Variants in PCSK2 observed in about 807,000 individuals in gnomAD.
PCSK2 encodes the protein proprotein convertase subtilisin/kexin type 2, also known as neuroendocrine convertase 2.
A neutral mutation model predicts 69.7 loss-of-function variants in PCSK2; 14 were observed. The observed-to-expected ratio is 0.20, with a 90% CI of 0.13 to 0.31. PCSK2 has a LOEUF of 0.31. Among genes scored for constraint, PCSK2 ranks in the 10% least tolerant of loss-of-function variants. PCSK2 has a pLI of 1.00. For missense variants in PCSK2, 544 were observed against 842.5 expected (o/e 0.65, Z 4.39); for synonymous variants, 307 against 320.7 (o/e 0.96, Z 0.46).
chr20:17,465,461 C>T lies in PCSK2; in HGVS notation c.1338C>T (p.Val446=), dbSNP rs2033084282. 1 of 1,614,078 alleles carries T rather than the reference C, an allele frequency of 6.2e-7. No homozygotes were observed. The highest frequency in any genetic ancestry group is 8.5e-7 in the Non-Finnish European group (1 of 1,179,996). ...LEFNHLFGYG[V]LDAGAMVKMA... Reference sequence around the variant, plus strand: ...TTAATCACCTCTTTGGCTACGGGGTCCTTGATGCAGGTGCCATGGTGAAAA... The same window carrying T: ...TTAATCACCTCTTTGGCTACGGGGTTCTTGATGCAGGTGCCATGGTGAAAA... Residue 446 remains valine, a synonymous_variant, in exon 11 of 12, where the codon GTC becomes GTT. Coordinates refer to ENST00000262545, the MANE Select transcript of PCSK2 (RefSeq NM_002594.5).
chr20:17,338,870 T>C (rs1439023608), intron 2 of PCSK2, among the ~76,000 whole-genome samples: 1 of 152,196 alleles, frequency 6.6e-6, no homozygotes, highest in Non-Finnish European at 1.5e-5. Context: ...ACTAGTGCGA[T>C]GGGTGAGTCC....
Position 17,231,517 on chromosome 20 carries a change from C to T in PCSK2, c.177+4035C>T, listed in dbSNP as rs145047686. ...TAGCTTTTGTGGATATTAAAGTCTA[C>T]GTATTTTGGCAAACACATATATGGC... On this transcript the variant is annotated intron_variant, in intron 1 of 11. Transcript: ENST00000262545. Among the ~76,000 whole-genome samples the T allele has an allele frequency of 1.4e-3, 209 of 152,218 alleles. 1 individual carries two copies. Among genetic ancestry groups the T allele is most frequent in the African/African-American group, 4.6e-3 (190 of 41,516 alleles).
Position 17,360,848 on chromosome 20 carries a change from GAATT to G in PCSK2, c.505+212_505+215del, listed in dbSNP as rs373534606. ...AGGTTGCACTTAACAAATATTTTTT[GAATT>G]AATAAATAATAAGCTAAACAAATGA... On this transcript the variant is annotated intron_variant, in intron 4 of 11. Transcript: ENST00000262545. Among the ~76,000 whole-genome samples, 774 of 152,070 alleles carry G rather than the reference GAATT, an allele frequency of 5.1e-3. 11 individuals carry two copies. Among genetic ancestry groups the G allele is most frequent in the African/African-American group, 0.018 (738 of 41,436 alleles).
At position 17,260,303 on chromosome 20, in the gene PCSK2, C is replaced by A. The variant is rs372462573; in HGVS notation, c.241C>A (p.Arg81Ser). ...HNGLAKAKRR[R>S]SLHHKQQLER... ...TGGCCTTGCAAAGGCCAAGAGAAGACGCAGCCTACACCACAAGCAGCAGCT... is the reference window on the plus strand; with the variant it reads ...TGGCCTTGCAAAGGCCAAGAGAAGAAGCAGCCTACACCACAAGCAGCAGCT... Residue 81 changes from arginine to serine, a missense_variant, in exon 2 of 12, where the codon CGC becomes AGC. Arg to Ser is a moderately radical substitution (Grantham distance 110). Around this residue, in one of 3 missense-constraint regions of PCSK2, gnomAD observed 157 missense variants for 155.0 expected, o/e 1.01. Transcript: ENST00000262545. 1 of 1,613,812 alleles carries A rather than the reference C, an allele frequency of 6.2e-7. No individual in the cohort carries two copies. Among genetic ancestry groups the A allele is most frequent in the East Asian group, 2.2e-5 (1 of 44,850 alleles).
At chr20:17,302,710 C>A (rs1411679697) in intron 2 of PCSK2, among the ~76,000 whole-genome samples, 1 of 152,122 alleles carries the variant, frequency 6.6e-6, no homozygotes, top group Non-Finnish European at 1.5e-5. Context: ...CCAGGCCGTG[C>A]TGTGAATGAG....
intron 2 of PCSK2, among the ~76,000 whole-genome samples, chr20:17,332,530 T>G (rs1367966608): frequency 6.6e-6 from 1 of 152,192 alleles, no homozygotes; most frequent in Admixed American, 6.5e-5. Flanking sequence ...CACAGCTTTC[T>G]CTAGGGCAAC....
intron 2 of PCSK2, among the ~76,000 whole-genome samples, chr20:17,321,137 G>A: frequency 6.6e-6 from 1 of 152,170 alleles, no homozygotes; most frequent in East Asian, 1.9e-4. Context: ...TTACTCAACA[G>A]GAAAGCAAAG....
chr20:17,437,690 C>T (rs2032511457), intron 8 of PCSK2, among the ~76,000 whole-genome samples: 1 of 152,226 alleles, frequency 6.6e-6, no homozygotes, highest in Non-Finnish European at 1.5e-5. Context: ...GTCCCAGTCT[C>T]GACTGCCGCT....
chr20:17,422,981 G>T (rs1446500003), intron 6 of PCSK2, among the ~76,000 whole-genome samples: 1 of 152,146 alleles, frequency 6.6e-6, no homozygotes, highest in Non-Finnish European at 1.5e-5. Context: ...CCAGGAGAAT[G>T]AAAGACCTAA....
At chr20:17,324,491 A>T (rs1271715855) in intron 2 of PCSK2, among the ~76,000 whole-genome samples, 1 of 152,170 alleles carries the variant, frequency 6.6e-6, no homozygotes, top group South Asian at 2.1e-4. Flanking sequence ...ACAGAATCAG[A>T]TTAGCAAGAT....
chr20:17,270,917 G>A (rs954406106), intron 2 of PCSK2, among the ~76,000 whole-genome samples: 4 of 152,180 alleles, frequency 2.6e-5, no homozygotes, highest in Admixed American at 2.6e-4. Flanking sequence ...CCAGTCTTCA[G>A]TTCTCTTGTC....
chr20:17,353,534 G>T (rs148558968), intron 2 of PCSK2, among the ~76,000 whole-genome samples: 1 of 151,280 alleles, frequency 6.6e-6, no homozygotes, highest in Non-Finnish European at 1.5e-5. Flanking sequence ...ACACTTATAC[G>T]CTGTTGATGA....
intron 2 of PCSK2, among the ~76,000 whole-genome samples, chr20:17,323,820 T>C (rs1010282507): frequency 2.6e-5 from 4 of 152,216 alleles, no homozygotes; most frequent in Non-Finnish European, 5.9e-5. Context: ...GAGCTGACAC[T>C]CTTGTGTCCC....
chr20:17,328,535 G>A (rs1025105648), intron 2 of PCSK2, among the ~76,000 whole-genome samples: 1 of 151,674 alleles, frequency 6.6e-6, no homozygotes, highest in African/African-American at 2.4e-5. Flanking sequence ...TTAGCAGTGG[G>A]GATATTTGTA....
intron 4 of PCSK2, among the ~76,000 whole-genome samples, chr20:17,364,602 G>C (rs371519908): frequency 6.6e-6 from 1 of 152,090 alleles, no homozygotes; most frequent in African/African-American, 2.4e-5. Flanking sequence ...AAACAGTATG[G>C]GGGAACCCAC....
intron 5 of PCSK2, among the ~76,000 whole-genome samples, chr20:17,391,387 A>AT (rs542061908): frequency 6.6e-6 from 1 of 152,184 alleles, no homozygotes; most frequent in Admixed American, 6.5e-5. Flanking sequence ...AAAACACATG[A>AT]TTTAAAAAAA....
At chr20:17,244,512 A>G (rs1986700624) in intron 1 of PCSK2, among the ~76,000 whole-genome samples, 1 of 152,212 alleles carries the variant, frequency 6.6e-6, no homozygotes, top group Admixed American at 6.5e-5. Flanking sequence ...TGTAGATAAG[A>G]TCCACTCAAA....
chr20:17,399,556 AT>A (rs1238771592), intron 5 of PCSK2, among the ~76,000 whole-genome samples: 4 of 152,224 alleles, frequency 2.6e-5, no homozygotes, highest in African/African-American at 9.7e-5. Flanking sequence ...CCTCTGTCAG[AT>A]AAGAAGAAGG....
At position 17,453,790 on chromosome 20, in the gene PCSK2, G is replaced by A. The variant is rs1320955950; in HGVS notation, c.934G>A (p.Gly312Ser). 4 of 1,613,950 alleles carry A rather than the reference G, an allele frequency of 2.5e-6. No individual in the cohort carries two copies. Among genetic ancestry groups the A allele is most frequent in the Admixed American group, 1.7e-5 (1 of 60,002 alleles). The change falls in exon 9 of 12, where the codon GGC becomes AGC. Residue 312 changes from glycine to serine, a missense_variant. This residue lies in a region of PCSK2 where 187 missense variants were observed against 399.8 expected (regional missense o/e 0.47). Transcript: ENST00000262545. The surrounding 1 kb of genome is among the most constrained non-coding windows in gnomAD (Gnocchi z 4.0). ...CTACGTGTGGGCCTCCGGGGACGGC[G>A]GCAGCTATGACGACTGCAACTGCGA... is the stretch of plus-strand genomic sequence containing the variant. ...SIYVWASGDG[G>S]SYDDCNCDGY...
Sources: gnomAD v4.1 joint callset for allele counts (sites outside exome capture counted in the v4.1 genomes callset) on GRCh38, gnomAD v4.1.1 for gene constraint, gnomAD v4.1.1 regional missense constraint, Gnocchi (gnomAD v3.1) non-coding constraint, MANE v1.5 for transcripts, NCBI Gene and HGNC (gene_info 2026-07-23, HGNC 2026-07-21) for gene names.